Variants in DNAH17 observed in about 807,000 individuals in gnomAD.
DNAH17 encodes the protein dynein axonemal heavy chain 17, also known as axonemal beta dynein heavy chain 17.
A neutral mutation model predicts 485.6 loss-of-function variants in DNAH17; 376 were observed. The observed-to-expected ratio is 0.77, with a 90% CI of 0.71 to 0.84. The LOEUF is 0.84. Among genes scored for constraint, DNAH17 ranks in the 40% least tolerant of loss-of-function variants. DNAH17 has a pLI of 0.00. For missense variants in DNAH17, 6,370 were observed against 5,839.3 expected, an observed-to-expected ratio of 1.09 and a Z score of -2.96; for synonymous variants, 3,031 against 2,405.9, an observed-to-expected ratio of 1.26 and a Z score of -7.60.
At chr17:78,517,790 G>A (rs1397234870) in intron 25 of DNAH17, among the ~76,000 whole-genome samples, 1 of 152,172 alleles carries the variant, frequency 6.6e-6, no homozygotes, top group Non-Finnish European at 1.5e-5. Flanking sequence ...GTTACTTCCA[G>A]CTTCTCTCTC....
rs149261431 is a variant in DNAH17 at position 78,544,946 on chromosome 17, T to G, written c.2392-949A>C. On this transcript the variant is annotated intron_variant, in intron 16 of 80. Coordinates refer to ENST00000389840, the MANE Select transcript of DNAH17 (RefSeq NM_173628.4). ...ATATGGTAACAAAACACCTAATAAG[T>G]TTTTTTTGTCAAAAAACAGTCTTTG... 1.8e-3 allele frequency among the ~76,000 whole-genome samples: 267 copies of G among 151,750 alleles called. 1 individual carries two copies. The highest frequency in any genetic ancestry group is 5.8e-3 in the African/African-American group (238 of 41,348).
Position 78,571,041 on chromosome 17 carries a change from G to C in DNAH17, c.833-8C>G. ...CGTTGGCTTCCTTCAGCCCTGCACG[G>C]AACAAGAACAAGTGCCCACCGGTAA... is the stretch of plus-strand genomic sequence containing the variant. On this transcript the variant is annotated splice_polypyrimidine_tract_variant and splice_region_variant and intron_variant, in intron 5 of 80. Transcript: ENST00000389840. 1 of 1,563,592 alleles carries C rather than the reference G, an allele frequency of 6.4e-7. No individual in the cohort carries two copies. The highest frequency in any genetic ancestry group is 8.7e-7 in the Non-Finnish European group (1 of 1,153,522).
At position 78,438,876 on chromosome 17, in the gene DNAH17, G is replaced by T. The variant is rs531458049; in HGVS notation, c.11805+214C>A. Among the ~76,000 whole-genome samples the T allele has an allele frequency of 1.2e-4, 19 of 152,174 alleles. No individual in the cohort carries two copies. The East Asian group carries it at 2.7e-3, about 22-fold the overall frequency. ...TCCCTCTCACCGTTGAAGAATCCACGCTTTCCTCTGGGCAGTCATGGCGTG... is the reference window on the plus strand; with the variant it reads ...TCCCTCTCACCGTTGAAGAATCCACTCTTTCCTCTGGGCAGTCATGGCGTG... On this transcript the variant is annotated intron_variant, in intron 73 of 80. Transcript: ENST00000389840.
intron 25 of DNAH17, among the ~76,000 whole-genome samples, chr17:78,520,846 GTTTTATTT>G (rs1290724072): frequency 2.0e-5 from 3 of 152,052 alleles, no homozygotes; most frequent in Admixed American, 1.3e-4. Flanking sequence ...CCCCAATAAG[GTTTTATTT>G]TTTTATAAGC....
chr17:78,502,940 C>T lies in DNAH17; in HGVS notation c.5028G>A (p.Val1676=), dbSNP rs369565496. The T allele has an allele frequency of 2.1e-5, 34 of 1,613,854 alleles. No homozygotes were observed. The highest frequency in any genetic ancestry group is 2.9e-5 in the Non-Finnish European group (34 of 1,179,928). The change falls in exon 32 of 81, where the codon GTG becomes GTA. Residue 1676 remains valine (V), a synonymous_variant. Transcript: ENST00000389840. ...CCCTCGGCTTCTCTTCGTAGGTCAC[C>T]ACGGCCTCTGGGATTTCGTGCCGGA... ...STLRHEIPEA[V]VTYEEKPREQ... is the part of the protein sequence containing the mutation.
chr17:78,482,195 G>T (rs1398111017), intron 48 of DNAH17, among the ~76,000 whole-genome samples: 1 of 149,932 alleles, frequency 6.7e-6, no homozygotes, highest in East Asian at 2.0e-4. Context: ...CCCAACCTCA[G>T]CCTCACACTA....
rs745675410 is a variant in DNAH17, at chr17:78,454,675, G to T, written c.10201C>A (p.Pro3401Thr). The T allele has an allele frequency of 1.7e-5, 27 of 1,612,770 alleles. No individual in the cohort carries two copies. The East Asian group carries it at 5.8e-4, about 35-fold the overall frequency. The change falls in exon 64 of 81, where the codon CCC (proline) becomes ACC (threonine). Residue 3401 changes from proline (P) to threonine (T), a missense_variant. Coordinates refer to ENST00000389840, the MANE Select transcript of DNAH17 (RefSeq NM_173628.4). The part of the protein sequence containing the change: ...VPIPITNGLD[P>T]LSLLTDDADV... Reference sequence around the variant, plus strand: ...GCGTCATCTGTCAGCAGGCTCAAGGGATCCAGGCCATTCGTGATCGGGATG... The same window carrying T: ...GCGTCATCTGTCAGCAGGCTCAAGGTATCCAGGCCATTCGTGATCGGGATG...
At chr17:78,469,952 C>A (rs921818409) in intron 54 of DNAH17, among the ~76,000 whole-genome samples, 8 of 151,670 alleles carry the variant, frequency 5.3e-5, no homozygotes, top group African/African-American at 1.9e-4. Flanking sequence ...GGAGACAGAG[C>A]TTCTGTTTGG....
chr17:78,426,814 G>A, intron 78 of DNAH17, 112 bp downstream of exon 78: 2 of 1,351,496 alleles, frequency 1.5e-6, no homozygotes, highest in Non-Finnish European at 2.0e-6. Flanking sequence ...TGGAGAGGGA[G>A]CAGTACCATG....
intron 66 of DNAH17, among the ~76,000 whole-genome samples, chr17:78,451,094 C>T (rs1436316835): frequency 6.6e-6 from 1 of 152,222 alleles, no homozygotes; most frequent in Non-Finnish European, 1.5e-5. Context: ...CGGGCCTGGG[C>T]CTCCTGAGCC....
intron 29 of DNAH17, 101 bp from the exon 30 acceptor site, chr17:78,506,947 C>T (rs1046818023): frequency 6.7e-7 from 1 of 1,499,226 alleles, no homozygotes; most frequent in South Asian, 1.2e-5. Flanking sequence ...CCTGGAGATG[C>T]CTGGACTGCT....
chr17:78,487,685 T>A (rs2089672518), intron 44 of DNAH17, among the ~76,000 whole-genome samples: 1 of 152,140 alleles, frequency 6.6e-6, no homozygotes, highest in African/African-American at 2.4e-5. Context: ...CCATCACACC[T>A]GGCTAATTTT....
intron 67 of DNAH17, 25 bp downstream of exon 67, chr17:78,450,657 G>A: frequency 6.2e-7 from 1 of 1,601,150 alleles, no homozygotes; most frequent in Non-Finnish European, 8.5e-7. Flanking sequence ...TGGCTGCCAG[G>A]GCACGTCACC....
At chr17:78,499,159 G>A (rs1396199392) in intron 36 of DNAH17, 47 bp from the exon 37 acceptor site, 1 of 1,380,134 alleles carries the variant, frequency 7.2e-7, no homozygotes, top group South Asian at 1.4e-5. Context: ...GGGTGACAGG[G>A]AGGGCGGGCG....
intron 19 of DNAH17, among the ~76,000 whole-genome samples, chr17:78,534,045 C>A (rs899847692): frequency 1.3e-5 from 2 of 152,222 alleles, no homozygotes; most frequent in Admixed American, 6.5e-5. Flanking sequence ...AAGAGCCGGC[C>A]TTTCCCAGGG....
At chr17:78,574,502 C>CA (rs780149334) in intron 2 of DNAH17, among the ~76,000 whole-genome samples, 3,581 of 132,760 alleles carry the variant, frequency 0.027, 83 homozygotes, top group African/African-American at 0.059. Context: ...GACCCTGTCT[C>CA]AAAAAAAAAA....
intron 17 of DNAH17, among the ~76,000 whole-genome samples, chr17:78,542,706 G>T (rs2091630477): frequency 6.6e-6 from 1 of 152,210 alleles, no homozygotes; most frequent in Non-Finnish European, 1.5e-5. Context: ...AGAGTCATAT[G>T]CTGTTGGGAC....
At chr17:78,556,779 A>G (rs997238778) in intron 14 of DNAH17, among the ~76,000 whole-genome samples, 5 of 152,222 alleles carry the variant, frequency 3.3e-5, no homozygotes, top group African/African-American at 1.2e-4. Flanking sequence ...AGAGGAATGG[A>G]TAATAGTGCT....
At chr17:78,436,794 G>T (rs1334130652) in intron 74 of DNAH17, among the ~76,000 whole-genome samples, 2 of 152,158 alleles carry the variant, frequency 1.3e-5, no homozygotes, top group Non-Finnish European at 2.9e-5. Flanking sequence ...GCAGTGAGCC[G>T]AGATTACACC....
Sources: allele counts gnomAD v4.1 joint callset (sites outside exome capture counted in the v4.1 genomes callset), GRCh38; gene constraint gnomAD v4.1.1; transcripts MANE v1.5; gene names NCBI Gene and HGNC (gene_info 2026-07-23, HGNC 2026-07-21).